Variants in MED15 observed in about 807,000 individuals in gnomAD.
MED15 encodes the protein mediator complex subunit 15.
In MED15, 41 loss-of-function variants were observed where a neutral mutation model predicts 118.7. The observed-to-expected ratio is 0.35, with a 90% CI of 0.27 to 0.45. The LOEUF is 0.45. Among genes scored for constraint, MED15 ranks in the 20% least tolerant of loss-of-function variants. MED15 has a pLI of 1.00. For synonymous variants in MED15, 436 were observed against 413.9 expected (o/e 1.05, Z -0.65); for missense variants, 740 against 1,025.5 (o/e 0.72, Z 3.80).
chr22:20,514,048 A>G (rs942748903), intron 1 of MED15, among the ~76,000 whole-genome samples: 1 of 151,948 alleles, frequency 6.6e-6, no homozygotes, highest in Non-Finnish European at 1.5e-5. Flanking sequence ...TATTTTGTGT[A>G]AGAGACAGGG....
intron 9 of MED15, chr22:20,582,410 C>A: frequency 3.7e-6 from 3 of 804,364 alleles, no homozygotes; most frequent in Admixed American, 2.9e-5. Flanking sequence ...GGGCCCCCCC[C>A]GCCAGCCCCT....
At position 20,566,608 on chromosome 22, in the gene MED15, C is replaced by A. The variant is rs1239868498; in HGVS notation, c.832C>A (p.Pro278Thr). 1.2e-6 allele frequency: 2 copies of A among 1,613,932 alleles called. No individual in the cohort carries two copies. The highest frequency in any genetic ancestry group is 1.7e-6 in the Non-Finnish European group (2 of 1,179,946). The part of the protein sequence containing the change: ...PPIQQPPMQQ[P>T]QPPPSQALPQ... ...AATTCAGCAGCCACCGATGCAGCAGCCACAGCCTCCGCCCTCCCAGGCTCT... is the reference window on the plus strand; with the variant it reads ...AATTCAGCAGCCACCGATGCAGCAGACACAGCCTCCGCCCTCCCAGGCTCT... Residue 278 changes from proline to threonine, a missense_variant, in exon 7 of 18, where the codon CCA becomes ACA. Pro to Thr is a conservative substitution (Grantham distance 38). Around this residue, in one of 7 missense-constraint regions of MED15, gnomAD observed 384 missense variants for 506.3 expected, o/e 0.76. Coordinates refer to ENST00000263205, the MANE Select transcript of MED15 (RefSeq NM_001003891.3).
chr22:20,551,032 T>A, intron 2 of MED15: 4 of 445,610 alleles, frequency 9.0e-6, no homozygotes, highest in South Asian at 6.7e-5. Context: ...TTACAGATAG[T>A]GCAAAGACAC....
chr22:20,573,871 C>T (rs535828371), intron 8 of MED15: 3 of 152,208 alleles, frequency 2.0e-5, no homozygotes, highest in African/African-American at 4.8e-5. Flanking sequence ...GGTGGTAAAT[C>T]GACTCTCACC....
At chr22:20,577,901 G>T (rs533721507) in intron 9 of MED15, among the ~76,000 whole-genome samples, 1 of 152,164 alleles carries the variant, frequency 6.6e-6, no homozygotes, top group Admixed American at 6.5e-5. Flanking sequence ...GTTTTGTTCT[G>T]TTATTTTGTT....
At chr22:20,570,202 T>G (rs1194440877) in intron 8 of MED15, among the ~76,000 whole-genome samples, 2 of 151,790 alleles carry the variant, frequency 1.3e-5, no homozygotes, top group African/African-American at 4.8e-5. Flanking sequence ...TTTTTGTATT[T>G]TTAGTAGAGA....
Position 20,507,702 on chromosome 22 carries a change from C to T in MED15, c.24C>T (p.Thr8=), listed in dbSNP as rs147696509. ...GCATGGACGTTTCCGGGCAAGAGAC[C>T]GACTGGCGGAGCACCGCCTTCCGGC... MDVSGQE[T]DWRSTAFRQK... Residue 8 remains threonine (T), a synonymous_variant, in exon 1 of 18, where the codon ACC becomes ACT. Transcript: ENST00000263205. 136 of 1,613,934 alleles carry T rather than the reference C, an allele frequency of 8.4e-5. No homozygotes were observed. The highest frequency in any genetic ancestry group is 1.1e-4 in the Non-Finnish European group (128 of 1,179,950).
At chr22:20,546,750 C>T (rs959073048) in intron 2 of MED15, among the ~76,000 whole-genome samples, 4 of 152,148 alleles carry the variant, frequency 2.6e-5, no homozygotes, top group African/African-American at 7.2e-5. Context: ...GTCCCATCCT[C>T]ATCTAGCAGG....
At chr22:20,573,099 C>T (rs898653492) in intron 8 of MED15, among the ~76,000 whole-genome samples, 1 of 151,934 alleles carries the variant, frequency 6.6e-6, no homozygotes, top group African/African-American at 2.4e-5. Flanking sequence ...CTCCCAAGTA[C>T]CTGGGATTAC....
chr22:20,514,281 G>T (rs1427197030), intron 1 of MED15, among the ~76,000 whole-genome samples: 1 of 152,168 alleles, frequency 6.6e-6, no homozygotes, highest in Non-Finnish European at 1.5e-5. Context: ...GGATTGCTGG[G>T]TTAATGTTGA....
At chr22:20,538,250 T>G (rs1035315147) in intron 2 of MED15, among the ~76,000 whole-genome samples, 2 of 151,944 alleles carry the variant, frequency 1.3e-5, no homozygotes, top group African/African-American at 4.8e-5. Flanking sequence ...CCTGGCCTAA[T>G]TTTAGAACTT....
At chr22:20,542,244 T>C (rs924746271) in intron 2 of MED15, among the ~76,000 whole-genome samples, 36 of 152,294 alleles carry the variant, frequency 2.4e-4, no homozygotes, top group African/African-American at 8.4e-4. Flanking sequence ...AAAGAAAACA[T>C]GTCCACACAA....
At chr22:20,507,890 C>G (rs1456870084) in intron 1 of MED15, 144 bp downstream of exon 1, 3 of 1,477,960 alleles carry the variant, frequency 2.0e-6, no homozygotes, top group South Asian at 1.3e-5. Flanking sequence ...AGGGCTCGGG[C>G]CCCCCCGTCT....
intron 5 of MED15, among the ~76,000 whole-genome samples, chr22:20,562,865 GTC>G (rs778408921): frequency 6.6e-6 from 1 of 152,032 alleles, no homozygotes; most frequent in Non-Finnish European, 1.5e-5. Context: ...AAGTGAGACT[GTC>G]TCTATAAAAA....
At position 20,582,973 on chromosome 22, in the gene MED15, T is replaced by A; in HGVS notation, c.1537+6T>A. The A allele has an allele frequency of 6.2e-7, 1 of 1,612,366 alleles. No individual in the cohort carries two copies. The highest frequency in any genetic ancestry group is 8.5e-7 in the Non-Finnish European group (1 of 1,179,258). On this transcript the variant is annotated splice_donor_region_variant and intron_variant, in intron 11 of 17. Transcript: ENST00000263205. ...TGGACCTTTAAACACACCTGGTAAG[T>A]TGGGCCTGAGGTGCTAAGGTCACTC...
intron 1 of MED15, among the ~76,000 whole-genome samples, chr22:20,510,120 C>T (rs886913814): frequency 2.0e-5 from 3 of 152,148 alleles, no homozygotes; most frequent in Non-Finnish European, 4.4e-5. Context: ...GGTGTGGTGG[C>T]TCACGCCTGT....
rs754729697 is a variant in MED15, at chr22:20,586,528, C to G, written c.2231-40C>G. On this transcript the variant is annotated intron_variant, in intron 17 of 17. Coordinates refer to ENST00000263205, the MANE Select transcript of MED15 (RefSeq NM_001003891.3). ...CCGGGTGTGCCAGGAGCGAGCGCAG[C>G]GCCGGCCGCCTTAGGTTCACGCCCA... 6.9e-6 allele frequency: 11 copies of G among 1,600,716 alleles called. No homozygotes were observed. The Admixed American group carries it at 1.7e-4, about 24-fold the overall frequency.
At chr22:20,510,647 T>C (rs1013268101) in intron 1 of MED15, among the ~76,000 whole-genome samples, 2 of 152,160 alleles carry the variant, frequency 1.3e-5, no homozygotes, top group Non-Finnish European at 2.9e-5. Context: ...AGTCAGTCTT[T>C]GTTCCCAGAA....
chr22:20,517,122 G>T (rs891679140), intron 1 of MED15, among the ~76,000 whole-genome samples: 4 of 150,454 alleles, frequency 2.7e-5, no homozygotes, highest in Non-Finnish European at 4.4e-5. Flanking sequence ...TTTTTTGGTA[G>T]AGACCAGGTC....
Sources: gnomAD v4.1 joint callset for allele counts (sites outside exome capture counted in the v4.1 genomes callset) on GRCh38, gnomAD v4.1.1 for gene constraint, gnomAD v4.1.1 regional missense constraint, MANE v1.5 for transcripts, NCBI Gene and HGNC (gene_info 2026-07-23, HGNC 2026-07-21) for gene names.